The following LARGE1 variants were observed in gnomAD, a reference collection of about 807,000 sequenced individuals.
LARGE1 encodes LARGE xylosyl- and glucuronyltransferase 1, also known as xylosyl- and glucuronyltransferase LARGE1.
In LARGE1, 43 loss-of-function variants were observed where a neutral mutation model predicts 87.6. The ratio of observed to expected loss-of-function variants is 0.49; its 90% CI spans 0.38 to 0.63. The LOEUF is 0.63. LARGE1 is among the 30% of genes least tolerant of loss of function. LARGE1 has a pLI of 0.00. For missense variants in LARGE1, 802 were observed against 1,000.2 expected (o/e 0.80, Z 2.67); for synonymous variants, 434 against 394.6 (o/e 1.10, Z -1.18).
chr22:33,827,426 C>A (rs2146303767), intron 1 of LARGE1, among the ~76,000 whole-genome samples: 1 of 152,174 alleles, frequency 6.6e-6, no homozygotes, highest in East Asian at 1.9e-4. Flanking sequence ...CCTCTGTCCC[C>A]CCGCCAAAAA....
At chr22:33,838,002 G>A (rs1442365518) in intron 1 of LARGE1, among the ~76,000 whole-genome samples, 1 of 152,260 alleles carries the variant, frequency 6.6e-6, no homozygotes, top group Non-Finnish European at 1.5e-5. Flanking sequence ...AATCACTGTA[G>A]TAGGAAAGCA....
intron 11 of LARGE1, among the ~76,000 whole-genome samples, chr22:33,243,810 T>C (rs1266217065): frequency 5.9e-5 from 9 of 152,166 alleles, no homozygotes; most frequent in Non-Finnish European, 1.5e-5. Flanking sequence ...TCAGGTCACC[T>C]TTTTTTATTC....
chr22:33,153,801 C>A, the LARGE1 span, among the ~76,000 whole-genome samples: 3 of 152,180 alleles, frequency 2.0e-5, no homozygotes, highest in Non-Finnish European at 4.4e-5. Flanking sequence ...TGAATATTTG[C>A]AGATATTTGG....
the LARGE1 span, among the ~76,000 whole-genome samples, chr22:33,098,017 A>C: frequency 6.6e-6 from 1 of 152,232 alleles, no homozygotes; most frequent in Non-Finnish European, 1.5e-5. Context: ...AAGCTAGTAA[A>C]ATATATAAGC....
intron 2 of LARGE1, among the ~76,000 whole-genome samples, chr22:33,713,772 C>A (rs572185192): frequency 1.3e-5 from 2 of 151,948 alleles, no homozygotes; most frequent in Non-Finnish European, 2.9e-5. Context: ...GCGTGGGCAA[C>A]ATGGCGAGAC....
intron 6 of LARGE1, among the ~76,000 whole-genome samples, chr22:33,511,952 CCCAGG>C: frequency 6.6e-6 from 1 of 152,114 alleles, no homozygotes; most frequent in Admixed American, 6.6e-5. Context: ...GTACCTGAGG[CCCAGG>C]AAAGGGAACT....
chr22:33,736,891 T>C (rs1258910517), intron 2 of LARGE1, among the ~76,000 whole-genome samples: 1 of 152,216 alleles, frequency 6.6e-6, no homozygotes, highest in East Asian at 1.9e-4. Context: ...AGAAAGGAGA[T>C]AAATAACTTG....
chr22:33,179,116 C>T (rs1016146541), intron 11 of LARGE1, among the ~76,000 whole-genome samples: 1 of 152,154 alleles, frequency 6.6e-6, no homozygotes, highest in Non-Finnish European at 1.5e-5. Context: ...AGAATCTTAT[C>T]TAATCCTAAT....
intron 5 of LARGE1, among the ~76,000 whole-genome samples, chr22:33,578,048 T>G (rs911876620): frequency 6.6e-6 from 1 of 152,210 alleles, no homozygotes; most frequent in Non-Finnish European, 1.5e-5. Context: ...TTGAATACTT[T>G]TAACCTTGAC....
At chr22:33,808,516 C>T (rs2086386001) in intron 1 of LARGE1, among the ~76,000 whole-genome samples, 1 of 152,204 alleles carries the variant, frequency 6.6e-6, no homozygotes, top group East Asian at 1.9e-4. Flanking sequence ...AGTAAGTCTT[C>T]TCCAGTAATA....
chr22:33,433,527 C>T (rs893665676), intron 6 of LARGE1, among the ~76,000 whole-genome samples: 2 of 138,478 alleles, frequency 1.4e-5, no homozygotes, highest in Non-Finnish European at 3.0e-5. Flanking sequence ...ATCCGGAAGG[C>T]GGAGCTTGCA....
chr22:33,880,107 A>G (rs11703305), intron 1 of LARGE1, among the ~76,000 whole-genome samples: 14,975 of 152,236 alleles, frequency 0.098, 981 homozygotes, highest in Non-Finnish European at 0.14. Context: ...TTAATTGCTG[A>G]GTTAATCAAG....
At chr22:33,224,087 C>T (rs1009350851) in intron 11 of LARGE1, among the ~76,000 whole-genome samples, 2 of 151,990 alleles carry the variant, frequency 1.3e-5, no homozygotes, top group Non-Finnish European at 2.9e-5. Flanking sequence ...AGATCGAGAC[C>T]ATCCTAGCTA....
At position 33,738,667 on chromosome 22, in the gene LARGE1, G is replaced by T. The variant is rs148238453; in HGVS notation, c.106+22704C>A. Among the ~76,000 whole-genome samples, 345 of 152,192 alleles carry T rather than the reference G, an allele frequency of 2.3e-3. 1 individual carries two copies. The highest frequency in any genetic ancestry group is 8.0e-3 in the African/African-American group (331 of 41,516). ...GAGGTCAGGAGATGGAGACCACGGTGAAACCCCGTCTCTACTAAAAATAAA... is the reference window on the plus strand; with the variant it reads ...GAGGTCAGGAGATGGAGACCACGGTTAAACCCCGTCTCTACTAAAAATAAA... On this transcript the variant is annotated intron_variant, in intron 2 of 14. Transcript: ENST00000397394.
intron 1 of LARGE1, among the ~76,000 whole-genome samples, chr22:33,775,062 T>C (rs904897420): frequency 3.3e-5 from 5 of 152,164 alleles, no homozygotes; most frequent in Non-Finnish European, 5.9e-5. Flanking sequence ...AAAACATTTA[T>C]TGGGCAACTA....
At chr22:33,329,722 G>A (rs1270134555) in intron 10 of LARGE1, among the ~76,000 whole-genome samples, 1 of 151,988 alleles carries the variant, frequency 6.6e-6, no homozygotes, top group Non-Finnish European at 1.5e-5. Flanking sequence ...CTAAAGGAAC[G>A]GCATACACTT....
At chr22:33,732,090 AAAC>A (rs1480673694) in intron 2 of LARGE1, among the ~76,000 whole-genome samples, 5 of 152,190 alleles carry the variant, frequency 3.3e-5, no homozygotes, top group African/African-American at 7.2e-5. Context: ...GGGCTTACGG[AAAC>A]AACAAGAGCT....
intron 1 of LARGE1, among the ~76,000 whole-genome samples, chr22:33,819,613 T>A (rs919107206): frequency 2.6e-5 from 4 of 152,074 alleles, no homozygotes; most frequent in African/African-American, 4.8e-5. Flanking sequence ...CTTCAAATAA[T>A]TAAGTTACCT....
chr22:33,239,322 G>A (rs563146902), intron 11 of LARGE1, among the ~76,000 whole-genome samples: 200 of 152,114 alleles, frequency 1.3e-3, no homozygotes, highest in African/African-American at 4.6e-3. Flanking sequence ...GTCCTACCAG[G>A]AAGATAGTGC....
Sources: allele counts gnomAD v4.1 joint callset (sites outside exome capture counted in the v4.1 genomes callset), GRCh38; gene constraint gnomAD v4.1.1; transcripts MANE v1.5; gene names NCBI Gene and HGNC (gene_info 2026-07-23, HGNC 2026-07-21).